CADM1: variants seen among roughly 807,000 people sequenced by gnomAD.
CADM1 encodes TSLC-1.
A neutral mutation model predicts 53.1 loss-of-function variants in CADM1; 15 were observed. The ratio of observed to expected loss-of-function variants is 0.28; its 90% CI spans 0.19 to 0.44. The LOEUF is 0.44. Among genes scored for constraint, CADM1 ranks in the 20% least tolerant of loss-of-function variants. CADM1 has a pLI of 1.00. For synonymous variants in CADM1, 281 were observed against 243.0 expected (o/e 1.16, Z -1.45); for missense variants, 434 against 611.3 (o/e 0.71, Z 3.06).
chr11:115,169,509 T>G lies in CADM1; in HGVS notation c.*6965A>C. 1 of 444,340 alleles carries G rather than the reference T, an allele frequency of 2.3e-6. No individual in the cohort carries two copies. Among genetic ancestry groups the G allele is most frequent in the South Asian group, 1.6e-5 (1 of 61,856 alleles). 27.5% of individuals were successfully genotyped at this position (444,340 alleles called of 1,614,324 possible). ...AAAAACCCAAGTAGGACATTTCAGT[T>G]GACAGTAATGGCATTTTCCCTTCCT... On this transcript the variant is annotated 3_prime_UTR_variant, in exon 12 of 12. Coordinates refer to ENST00000331581, the MANE Select transcript of CADM1 (RefSeq NM_001301043.2).
intron 1 of CADM1, among the ~76,000 whole-genome samples, chr11:115,269,219 C>T (rs1488156666): frequency 6.6e-6 from 1 of 152,134 alleles, no homozygotes; most frequent in Non-Finnish European, 1.5e-5. Context: ...TGAAAACACA[C>T]ATGGCAGGAT....
At chr11:115,330,042 C>T (rs1945091587) in intron 1 of CADM1, among the ~76,000 whole-genome samples, 1 of 151,114 alleles carries the variant, frequency 6.6e-6, no homozygotes, top group Non-Finnish European at 1.5e-5. Flanking sequence ...GTGCAGCAGG[C>T]CAAAAGAGAA....
At chr11:115,278,963 G>A (rs1286117345) in intron 1 of CADM1, among the ~76,000 whole-genome samples, 1 of 152,168 alleles carries the variant, frequency 6.6e-6, no homozygotes, top group Non-Finnish European at 1.5e-5. Context: ...TGGAGGACGT[G>A]GGCAGGGAAA....
chr11:115,342,649 G>A (rs1234397609), intron 1 of CADM1, among the ~76,000 whole-genome samples: 2 of 152,116 alleles, frequency 1.3e-5, no homozygotes, highest in Non-Finnish European at 2.9e-5. Flanking sequence ...CTTGCATGAA[G>A]TCTTTCCTGA....
rs556627626 is a variant in CADM1 at position 115,171,629 on chromosome 11, A to T, written c.*4845T>A. On this transcript the variant is annotated 3_prime_UTR_variant, in exon 12 of 12. Coordinates refer to ENST00000331581, the MANE Select transcript of CADM1 (RefSeq NM_001301043.2). ...GCTTCTAGCACCTTCTCATTTGCAT[A>T]CCCTGTGGAGCTCAAAAGGCAAATG... The T allele has an allele frequency of 6.6e-6, 1 of 152,114 alleles. No homozygotes were observed. The highest frequency in any genetic ancestry group is 1.5e-5 in the Non-Finnish European group (1 of 68,044). The allele number at this position is 152,114 out of a possible 1,614,324, so 9.4% of individuals were successfully genotyped here.
At chr11:115,250,565 ATTAT>A (rs1297809221) in intron 1 of CADM1, among the ~76,000 whole-genome samples, 2 of 152,220 alleles carry the variant, frequency 1.3e-5, no homozygotes, top group Non-Finnish European at 2.9e-5. Flanking sequence ...AGAAAAACAA[ATTAT>A]TTATTTTCCA....
chr11:115,316,762 G>T (rs1944677697), intron 1 of CADM1, among the ~76,000 whole-genome samples: 1 of 152,128 alleles, frequency 6.6e-6, no homozygotes, highest in African/African-American at 2.4e-5. Flanking sequence ...AAAAGATTTA[G>T]CATATGAGAC....
chr11:115,251,614 G>C (rs1052247743), intron 1 of CADM1, among the ~76,000 whole-genome samples: 38 of 152,164 alleles, frequency 2.5e-4, no homozygotes, highest in African/African-American at 8.2e-4. Flanking sequence ...AGGAAGCCAA[G>C]CAGCTTTGAA....
At chr11:115,297,566 T>C (rs1302524806) in intron 1 of CADM1, among the ~76,000 whole-genome samples, 1 of 152,210 alleles carries the variant, frequency 6.6e-6, no homozygotes, top group East Asian at 1.9e-4. Context: ...AAATCATACA[T>C]GTTGTGCTTC....
chr11:115,337,713 A>T (rs999137324), intron 1 of CADM1, among the ~76,000 whole-genome samples: 6 of 152,122 alleles, frequency 3.9e-5, no homozygotes, highest in Admixed American at 1.3e-4. Context: ...CAATACTATA[A>T]ATAAACTAGA....
intron 1 of CADM1, among the ~76,000 whole-genome samples, chr11:115,373,275 G>A (rs560447139): frequency 5.3e-5 from 8 of 152,212 alleles, no homozygotes; most frequent in African/African-American, 9.6e-5. Flanking sequence ...TTGTACACAG[G>A]TGGCTCATCA....
At chr11:115,383,415 T>C (rs1194096787) in intron 1 of CADM1, among the ~76,000 whole-genome samples, 1 of 152,200 alleles carries the variant, frequency 6.6e-6, no homozygotes, top group East Asian at 1.9e-4. Context: ...CCATACAAGG[T>C]AAGAGCATGT....
intron 1 of CADM1, among the ~76,000 whole-genome samples, chr11:115,339,346 A>G (rs1352838883): frequency 6.6e-6 from 1 of 152,126 alleles, no homozygotes; most frequent in African/African-American, 2.4e-5. Flanking sequence ...TTATTGCAGC[A>G]CTATTCACAA....
chr11:115,265,284 C>T (rs958952897), intron 1 of CADM1, among the ~76,000 whole-genome samples: 5 of 150,982 alleles, frequency 3.3e-5, no homozygotes, highest in Non-Finnish European at 7.4e-5. Context: ...GTGACTTTAA[C>T]CTCTAAGAGA....
chr11:115,342,169 G>A lies in CADM1; in HGVS notation c.125-101749C>T, dbSNP rs569630024. Reference sequence around the variant, plus strand: ...GGCTTTAACTTACCTTAAAAATTGCGACTACATTAAAACACATATACTTGT... The same window carrying A: ...GGCTTTAACTTACCTTAAAAATTGCAACTACATTAAAACACATATACTTGT... On this transcript the variant is annotated intron_variant, in intron 1 of 11. Coordinates refer to ENST00000331581, the MANE Select transcript of CADM1 (RefSeq NM_001301043.2). Among the ~76,000 whole-genome samples the A allele has an allele frequency of 1.1e-3, 162 of 152,144 alleles. No individual in the cohort carries two copies. In the South Asian group the frequency reaches 0.012, roughly 11 times the overall value.
At chr11:115,343,030 T>C (rs1366133429) in intron 1 of CADM1, among the ~76,000 whole-genome samples, 2 of 152,210 alleles carry the variant, frequency 1.3e-5, no homozygotes, top group Admixed American at 6.5e-5. Context: ...CATTATCATA[T>C]TATTCTTCAT....
At chr11:115,262,170 C>T (rs528281486) in intron 1 of CADM1, among the ~76,000 whole-genome samples, 2 of 148,334 alleles carry the variant, frequency 1.3e-5, no homozygotes, top group Non-Finnish European at 3.0e-5. Flanking sequence ...CTAAGGAAAA[C>T]TCAAAGTAAC....
intron 1 of CADM1, among the ~76,000 whole-genome samples, chr11:115,266,478 C>A (rs1053562997): frequency 1.3e-5 from 2 of 152,150 alleles, no homozygotes; most frequent in African/African-American, 4.8e-5. Flanking sequence ...CCATCAGCCA[C>A]GCAGGACTGG....
chr11:115,424,291 C>T (rs1275104022), intron 1 of CADM1, among the ~76,000 whole-genome samples: 1 of 152,300 alleles, frequency 6.6e-6, no homozygotes, highest in East Asian at 1.9e-4. Context: ...TGTGTCATCA[C>T]AGGTCTCTGA....
Sources: allele counts gnomAD v4.1 joint callset (sites outside exome capture counted in the v4.1 genomes callset), GRCh38; gene constraint gnomAD v4.1.1; transcripts MANE v1.5; gene names NCBI Gene and HGNC (gene_info 2026-07-23, HGNC 2026-07-21).